The following STAU2 variants were observed in gnomAD, a reference collection of about 807,000 sequenced individuals.
STAU2 encodes staufen double-stranded RNA binding protein 2, also known as double-stranded RNA-binding protein Staufen homolog 2.
A neutral mutation model predicts 65.9 loss-of-function variants in STAU2; 20 were observed. The observed-to-expected ratio is 0.30, with a 90% CI of 0.21 to 0.44. STAU2 has a LOEUF of 0.44. Ranked by LOEUF, STAU2 falls within the 20% of genes least tolerant of loss-of-function variation. The pLI, the probability that STAU2 is intolerant of heterozygous loss-of-function variation, is 1.00. For synonymous variants in STAU2, 232 were observed against 233.9 expected (o/e 0.99, Z 0.07); for missense variants, 558 against 683.9 (o/e 0.82, Z 2.05).
At chr8:73,580,448 C>G (rs919176317) in intron 12 of STAU2, among the ~76,000 whole-genome samples, 1 of 152,186 alleles carries the variant, frequency 6.6e-6, no homozygotes, top group Non-Finnish European at 1.5e-5. Context: ...AAATTCCTGT[C>G]TTCCCCCACA....
intron 13 of STAU2, among the ~76,000 whole-genome samples, chr8:73,542,651 A>T (rs1033634595): frequency 6.6e-6 from 1 of 152,184 alleles, no homozygotes; most frequent in Non-Finnish European, 1.5e-5. Context: ...CCCAATTAGA[A>T]ACTGAGTAAA....
At chr8:73,508,655 T>G (rs186151519) in intron 13 of STAU2, among the ~76,000 whole-genome samples, 13 of 152,316 alleles carry the variant, frequency 8.5e-5, no homozygotes, top group Admixed American at 8.5e-4. Context: ...AACCTTCAAC[T>G]GGTAAACAAT....
chr8:73,448,460 T>C (rs1414295328), intron 13 of STAU2, among the ~76,000 whole-genome samples: 1 of 152,120 alleles, frequency 6.6e-6, no homozygotes, highest in East Asian at 1.9e-4. Context: ...TTTTTTGTAT[T>C]TTAGTAGAGA....
At chr8:73,682,160 C>A (rs1818477047) in intron 5 of STAU2, among the ~76,000 whole-genome samples, 1 of 152,138 alleles carries the variant, frequency 6.6e-6, no homozygotes, top group East Asian at 1.9e-4. Flanking sequence ...TTCTACCCAA[C>A]AACTGCAAAA....
chr8:73,579,107 G>C (rs1458728591), intron 12 of STAU2, among the ~76,000 whole-genome samples: 6 of 151,894 alleles, frequency 4.0e-5, no homozygotes, highest in African/African-American at 1.5e-4. Context: ...CCTGGTTTCA[G>C]GATGTTCAGT....
At chr8:73,717,869 A>G (rs963942567) in intron 3 of STAU2, among the ~76,000 whole-genome samples, 2 of 152,212 alleles carry the variant, frequency 1.3e-5, no homozygotes, top group Non-Finnish European at 2.9e-5. Context: ...AGTTCTTTAA[A>G]TTTCCACATG....
Position 73,623,996 on chromosome 8 carries a change from G to C in STAU2, c.411-6545C>G, listed in dbSNP as rs930083358. ...TATTCTATTTGTAGAATTACTGTAA[G>C]TATGTTTTAAATGCCTAGAGGAAAT... On this transcript the variant is annotated intron_variant, in intron 6 of 14. Transcript: ENST00000524300. Among the ~76,000 whole-genome samples the C allele has an allele frequency of 2.0e-5, 3 of 152,112 alleles. No individual in the cohort carries two copies. The South Asian group carries it at 6.2e-4, about 32-fold the overall frequency.
intron 6 of STAU2, among the ~76,000 whole-genome samples, chr8:73,630,807 C>T (rs1190141667): frequency 1.3e-5 from 2 of 152,178 alleles, no homozygotes; most frequent in African/African-American, 4.8e-5. Context: ...TGGCCTCTTT[C>T]CCTCTTGACA....
chr8:73,714,997 C>T (rs1377542313), intron 3 of STAU2, among the ~76,000 whole-genome samples: 2 of 151,006 alleles, frequency 1.3e-5, no homozygotes, highest in African/African-American at 4.9e-5. Context: ...GAGAGAATCA[C>T]TTGAACCCGG....
intron 13 of STAU2, among the ~76,000 whole-genome samples, chr8:73,486,656 TA>T (rs66870128): frequency 0.026 from 2,062 of 79,096 alleles, 27 homozygotes; most frequent in Middle Eastern, 0.044. Context: ...TATATATATA[TA>T]TTTTTTTTTT....
At chr8:73,599,634 A>C (rs1409265543) in intron 10 of STAU2, among the ~76,000 whole-genome samples, 1 of 152,240 alleles carries the variant, frequency 6.6e-6, no homozygotes, top group African/African-American at 2.4e-5. Flanking sequence ...TCTATTGTGT[A>C]AAATCATAAT....
chr8:73,426,135 G>A (rs1018334642), intron 13 of STAU2, among the ~76,000 whole-genome samples: 2 of 150,844 alleles, frequency 1.3e-5, no homozygotes, highest in Admixed American at 6.6e-5. Flanking sequence ...ACAAACTGTA[G>A]CCTGGATCAT....
intron 12 of STAU2, among the ~76,000 whole-genome samples, chr8:73,562,797 CAACT>C (rs1269557479): frequency 4.0e-5 from 6 of 151,742 alleles, no homozygotes; most frequent in South Asian, 2.1e-4. Context: ...TTAATAAAAA[CAACT>C]AACTGGAACT....
intron 13 of STAU2, among the ~76,000 whole-genome samples, chr8:73,528,334 G>A (rs960716229): frequency 7.9e-5 from 12 of 152,108 alleles, no homozygotes; most frequent in African/African-American, 2.2e-4. Flanking sequence ...GAATTAAATT[G>A]AAATGATTTG....
At chr8:73,581,508 C>T (rs1327927798) in intron 12 of STAU2, among the ~76,000 whole-genome samples, 4 of 152,198 alleles carry the variant, frequency 2.6e-5, no homozygotes, top group Admixed American at 2.6e-4. Flanking sequence ...GAAACAGGTA[C>T]TGTGCTAAGT....
At chr8:73,454,377 A>C (rs2128896336) in intron 13 of STAU2, among the ~76,000 whole-genome samples, 1 of 152,330 alleles carries the variant, frequency 6.6e-6, no homozygotes, top group East Asian at 1.9e-4. Flanking sequence ...TGCAGCTGTA[A>C]CCTAATTTTT....
At chr8:73,504,344 A>C (rs1238862072) in intron 13 of STAU2, among the ~76,000 whole-genome samples, 2 of 152,152 alleles carry the variant, frequency 1.3e-5, no homozygotes, top group African/African-American at 4.8e-5. Flanking sequence ...CAAAATTATC[A>C]ATGACCACAG....
rs1320262114 is a variant in STAU2 at position 73,655,947 on chromosome 8, TA to T, written c.410+17159del. On this transcript the variant is annotated intron_variant, in intron 6 of 14. Coordinates refer to ENST00000524300, the MANE Select transcript of STAU2 (RefSeq NM_001164380.2). ...ACAGGCATGAGCCACTGCGCTGGGC[TA>T]ATTTTTTTGTATTTTTAGTAGAGAT... Among the ~76,000 whole-genome samples the T allele has an allele frequency of 2.7e-5, 4 of 146,214 alleles. No individual in the cohort carries two copies. The East Asian group carries it at 8.0e-4, about 29-fold the overall frequency.
At chr8:73,606,292 A>C (rs1812031617) in intron 9 of STAU2, among the ~76,000 whole-genome samples, 1 of 151,954 alleles carries the variant, frequency 6.6e-6, no homozygotes, top group African/African-American at 2.4e-5. Flanking sequence ...TTTGAAAAAG[A>C]CAAGTCACAG....
Sources: allele counts gnomAD v4.1 joint callset (sites outside exome capture counted in the v4.1 genomes callset), GRCh38; gene constraint gnomAD v4.1.1; transcripts MANE v1.5; gene names NCBI Gene and HGNC (gene_info 2026-07-23, HGNC 2026-07-21).